MSI1: variants seen among roughly 807,000 people sequenced by gnomAD.
The protein encoded by MSI1 is musashi RNA binding protein 1, also known as RNA-binding protein Musashi homolog 1.
In MSI1, 15 loss-of-function variants were observed where a neutral mutation model predicts 54.4. That is an observed-to-expected ratio of 0.28 (90% CI 0.18 to 0.42). The LOEUF (loss-of-function observed/expected upper bound fraction) is 0.42, where lower values mean the gene tolerates loss of function less well. MSI1 is among the 20% of genes least tolerant of loss of function. MSI1 has a pLI of 1.00. For missense variants in MSI1, 304 were observed against 506.0 expected (o/e 0.60, Z 3.83); for synonymous variants, 200 against 196.5 (o/e 1.02, Z -0.15).
chr12:120,358,898 C>A, intron 7 of MSI1, 107 bp downstream of exon 7: 1 of 1,303,570 alleles, frequency 7.7e-7, no homozygotes, highest in Non-Finnish European at 1.1e-6. Flanking sequence ...GGACGCAGAT[C>A]CTGGGGGATA....
At position 120,358,782 on chromosome 12, in the gene MSI1, G is replaced by C. The variant is rs149764198; in HGVS notation, c.451+223C>G. Among the ~76,000 whole-genome samples the C allele has an allele frequency of 1.3e-4, 20 of 151,966 alleles. No individual in the cohort carries two copies. The East Asian group carries it at 1.5e-3, about 12-fold the overall frequency. On this transcript the variant is annotated intron_variant, in intron 7 of 14. Coordinates refer to ENST00000257552, the MANE Select transcript of MSI1 (RefSeq NM_002442.4). ...GGAGACTCAGTGGGTTGCAGGGACTGGGGGGGTGGGTACTCCTCTGTTCGT... is the reference window on the plus strand; with the variant it reads ...GGAGACTCAGTGGGTTGCAGGGACTCGGGGGGTGGGTACTCCTCTGTTCGT...
intron 12 of MSI1, 123 bp from the exon 13 acceptor site, chr12:120,346,445 A>C (rs1195780644): frequency 4.2e-6 from 4 of 944,456 alleles, no homozygotes; most frequent in South Asian, 4.3e-5. Flanking sequence ...CTGTGGGCCC[A>C]CCTCCTGGAG....
chr12:120,363,213 GC>G, intron 5 of MSI1, 78 bp from the exon 6 acceptor site: 1 of 1,196,154 alleles, frequency 8.4e-7, no homozygotes, highest in African/African-American at 1.5e-5. Context: ...GAGCCCCCCT[GC>G]CAGGATGCCA....
Position 120,368,184 on chromosome 12 carries a change from G to A in MSI1, c.182+8C>T. On this transcript the variant is annotated splice_region_variant and intron_variant, in intron 3 of 14. Transcript: ENST00000257552. The surrounding 1 kb of genome is among the most constrained non-coding windows in gnomAD (Gnocchi z 6.6). ...GCCGGGAGCAGGAGGAGGGGGTGAG[G>A]GGCTCACCTGGATCTCTTGGTCAGG... 2 of 1,579,700 alleles carry A rather than the reference G, an allele frequency of 1.3e-6. No individual in the cohort carries two copies. The highest frequency in any genetic ancestry group is 1.7e-6 in the Non-Finnish European group (2 of 1,161,992).
chr12:120,363,271 C>CCG (rs60124278), intron 5 of MSI1, 136 bp from the exon 6 acceptor site: 1 of 597,568 alleles, frequency 1.7e-6, no homozygotes, highest in African/African-American at 2.2e-5. Context: ...GCCCCCCCCC[C>CCG]GCAAGCTCCC....
downstream of MSI1, among the ~76,000 whole-genome samples, chr12:120,339,699 T>C (rs558664453): frequency 6.6e-6 from 1 of 152,048 alleles, no homozygotes; most frequent in South Asian, 2.1e-4. Context: ...CCCCAACCTG[T>C]ACTGGAAGGA....
In MSI1 at chr12:120,363,100, C is replaced by G; in HGVS notation, c.345G>C (p.Gly115=). Reference sequence around the variant, plus strand: ...CCTCCACCGTGGTGTTCACCGACAGCCCCCCCACAAAGATCTTCTTCGTTC... The same window carrying G: ...CCTCCACCGTGGTGTTCACCGACAGGCCCCCCACAAAGATCTTCTTCGTTC... The part of the protein sequence containing the change: ...VTRTKKIFVG[G]LSVNTTVEDV... Residue 115 remains glycine, a synonymous_variant, in exon 6 of 15, where the codon GGG becomes GGC. Coordinates refer to ENST00000257552, the MANE Select transcript of MSI1 (RefSeq NM_002442.4). The G allele has an allele frequency of 6.2e-7, 1 of 1,613,936 alleles. No homozygotes were observed. Among genetic ancestry groups the G allele is most frequent in the African/African-American group, 1.3e-5 (1 of 74,980 alleles).
In MSI1 at chr12:120,368,150, G is replaced by C; in HGVS notation, c.182+42C>G. On this transcript the variant is annotated intron_variant, in intron 3 of 14. Coordinates refer to ENST00000257552, the MANE Select transcript of MSI1 (RefSeq NM_002442.4). The surrounding 1 kb of genome is among the most constrained non-coding windows in gnomAD (Gnocchi z 6.6). ...TACAAGGCAGTGAGTGGCGGGTGGA[G>C]GGGGGCGAGCCGGGAGCAGGAGGAG... The C allele has an allele frequency of 6.3e-7, 1 of 1,584,474 alleles. No individual in the cohort carries two copies. Among genetic ancestry groups the C allele is most frequent in the Non-Finnish European group, 8.6e-7 (1 of 1,164,982 alleles).
At chr12:120,347,011 G>A (rs1156681062) in intron 12 of MSI1, among the ~76,000 whole-genome samples, 2 of 151,836 alleles carry the variant, frequency 1.3e-5, no homozygotes, top group East Asian at 1.9e-4. Flanking sequence ...GTGCAGTGAC[G>A]TGATCTCAGC....
chr12:120,368,858 C>T lies in MSI1; in HGVS notation c.75G>A (p.Gly25=), dbSNP rs1472471795. The part of the protein sequence containing the change: ...SPHDPCKMFI[G]GLSWQTTQEG... ...CCTGCGTAGTCTGCCAACTGAGTCCCCCGATGAACATCTTGCTGCGGGAGG... is the reference window on the plus strand; with the variant it reads ...CCTGCGTAGTCTGCCAACTGAGTCCTCCGATGAACATCTTGCTGCGGGAGG... Residue 25 remains glycine (G), a synonymous_variant, in exon 2 of 15, where the codon GGG becomes GGA. Coordinates refer to ENST00000257552, the MANE Select transcript of MSI1 (RefSeq NM_002442.4). The surrounding 1 kb of genome is among the most constrained non-coding windows in gnomAD (Gnocchi z 6.6). 1.9e-5 allele frequency: 28 copies of T among 1,472,572 alleles called. No homozygotes were observed. The highest frequency in any genetic ancestry group is 2.4e-5 in the Non-Finnish European group (27 of 1,102,270). The allele number at this position is 1,472,572 out of a possible 1,614,324, so 91.2% of individuals were successfully genotyped here.
chr12:120,345,814 C>G (rs1374688074), intron 13 of MSI1, among the ~76,000 whole-genome samples, 182 bp from the exon 14 acceptor site: 1 of 151,952 alleles, frequency 6.6e-6, no homozygotes, highest in African/African-American at 2.4e-5. Flanking sequence ...CAAAGATTCT[C>G]CAACAGAGGG....
At chr12:120,360,155 T>G (rs531792480) in intron 6 of MSI1, among the ~76,000 whole-genome samples, 33 of 152,188 alleles carry the variant, frequency 2.2e-4, no homozygotes, top group South Asian at 1.9e-3. Flanking sequence ...CTGGCTAATT[T>G]TTGTATTTTA....
intron 13 of MSI1, 136 bp from the exon 14 acceptor site, chr12:120,345,768 C>G: frequency 9.7e-7 from 1 of 1,032,364 alleles, no homozygotes; most frequent in Non-Finnish European, 1.5e-6. Flanking sequence ...TACTGCAGGT[C>G]TGCCTACCCG....
At position 120,346,127 on chromosome 12, in the gene MSI1, C is replaced by A; in HGVS notation, c.1047+8G>T. ...GTGAGGTGGGGGCCGCTAGGCCTGG[C>A]CACTCACCCCAAGACTGTGGCCGAA... On this transcript the variant is annotated splice_region_variant and intron_variant, in intron 13 of 14. Transcript: ENST00000257552. The A allele has an allele frequency of 6.5e-7, 1 of 1,542,104 alleles. No homozygotes were observed. The highest frequency in any genetic ancestry group is 1.2e-5 in the South Asian group (1 of 83,602).
At position 120,368,364 on chromosome 12, in the gene MSI1, G is replaced by C; in HGVS notation, c.101-91C>G. The C allele has an allele frequency of 7.8e-7, 1 of 1,288,036 alleles. No homozygotes were observed. The highest frequency in any genetic ancestry group is 1.0e-6 in the Non-Finnish European group (1 of 982,022). 79.8% of individuals were successfully genotyped at this position (1,288,036 alleles called of 1,614,324 possible). On this transcript the variant is annotated intron_variant, in intron 2 of 14. Coordinates refer to ENST00000257552, the MANE Select transcript of MSI1 (RefSeq NM_002442.4). This position sits in a 1 kb window ranked among gnomAD's most constrained non-coding sequence, Gnocchi z 6.6. The stretch of plus-strand genomic sequence containing the variant: ...GCCCCCGGTGACCCCGGAGCGGCCC[G>C]GCCGCCCCCGCGCCAAGCTGCCCGC...
chr12:120,363,847 T>G (rs1875847357), intron 5 of MSI1, among the ~76,000 whole-genome samples: 1 of 151,906 alleles, frequency 6.6e-6, no homozygotes, highest in African/African-American at 2.4e-5. Flanking sequence ...CTGGCAGGAG[T>G]TGGGGGACTT....
rs369081113 is a variant in MSI1 at position 120,357,864 on chromosome 12, G to A, written c.486C>T (p.Ile162=). 13 of 1,614,112 alleles carry A rather than the reference G, an allele frequency of 8.1e-6. No individual in the cohort carries two copies. Among genetic ancestry groups the A allele is most frequent in the African/African-American group, 1.3e-5 (1 of 75,022 alleles). The change falls in exon 8 of 15, where the codon ATC becomes ATT. Residue 162 remains isoleucine, a synonymous_variant. Transcript: ENST00000257552. ...FGFVTFESED[I]VEKVCEIHFH... ...AATGAATTTCACACACTTTCTCCAC[G>A]ATGTCCTCACTCTCAAACGTGACAA...
intron 9 of MSI1, among the ~76,000 whole-genome samples, chr12:120,355,030 CAAAAAAAA>C (rs71076610): frequency 1.1e-4 from 5 of 44,116 alleles, no homozygotes; most frequent in Non-Finnish European, 1.5e-4. Context: ...CCGTCTCTAC[CAAAAAAAA>C]AAAAAAAAAA....
Position 120,368,727 on chromosome 12 carries a change from G to T in MSI1, c.100+106C>A, listed in dbSNP as rs982835146. 3.7e-6 allele frequency: 4 copies of T among 1,072,782 alleles called. No individual in the cohort carries two copies. In the African/African-American group the frequency reaches 5.0e-5, roughly 13 times the overall value. The allele number at this position is 1,072,782 out of a possible 1,614,324, so 66.5% of individuals were successfully genotyped here. A position where few individuals can be genotyped will look rare whatever the true frequency, so the allele number is the denominator to read the frequency against. On this transcript the variant is annotated intron_variant, in intron 2 of 14. Transcript: ENST00000257552. This position sits in a 1 kb window ranked among gnomAD's most constrained non-coding sequence, Gnocchi z 6.6. ...GGGGCGCGAAAGAGGGCGCGAGGGC[G>T]CCCGGGGTCAGCAGGGCGCAGGGCC...
Sources: gnomAD v4.1 joint callset for allele counts (sites outside exome capture counted in the v4.1 genomes callset) on GRCh38, gnomAD v4.1.1 for gene constraint, Gnocchi (gnomAD v3.1) non-coding constraint, MANE v1.5 for transcripts, NCBI Gene and HGNC (gene_info 2026-07-23, HGNC 2026-07-21) for gene names.